ECHDC2: variants seen among roughly 807,000 people sequenced by gnomAD.
The protein encoded by ECHDC2 is enoyl-CoA hydratase domain-containing protein 2, mitochondrial.
ECHDC2 carries 34 observed loss-of-function variants against 40.6 expected under a neutral mutation model. The ratio of observed to expected loss-of-function variants is 0.84; its 90% CI spans 0.64 to 1.11. The LOEUF (loss-of-function observed/expected upper bound fraction) is 1.11. ECHDC2 is among the 50% of genes most tolerant of loss of function. The pLI, the probability that ECHDC2 is intolerant of heterozygous loss-of-function variation, is 0.00. For missense variants in ECHDC2, 392 were observed against 400.7 expected, an observed-to-expected ratio of 0.98 and a Z score of 0.19; for synonymous variants, 162 against 166.6, an observed-to-expected ratio of 0.97 and a Z score of 0.21.
Position 52,911,555 on chromosome 1 carries a change from A to G in ECHDC2, c.277+11T>C, listed in dbSNP as rs750143949. 1.9e-6 allele frequency: 3 copies of G among 1,611,818 alleles called. No individual in the cohort carries two copies. In the East Asian group the frequency reaches 6.7e-5, roughly 36 times the overall value. On this transcript the variant is annotated intron_variant, in intron 3 of 9. Coordinates refer to ENST00000371522, the MANE Select transcript of ECHDC2 (RefSeq NM_001198961.2). Reference sequence around the variant, plus strand: ...TGCAGAGCACAGATGGGGGCAGGAGAGAGAACCTACCTGCACAGAACACGC... The same window carrying G: ...TGCAGAGCACAGATGGGGGCAGGAGGGAGAACCTACCTGCACAGAACACGC...
At chr1:52,897,301 C>G in intron 9 of ECHDC2, 136 bp downstream of exon 9, 1 of 900,454 alleles carries the variant, frequency 1.1e-6, no homozygotes, top group Non-Finnish European at 1.8e-6. Flanking sequence ...CTCCAGGTGA[C>G]TTATGAGGGA....
intron 1 of ECHDC2, among the ~76,000 whole-genome samples, chr1:52,916,441 A>G (rs1650679558): frequency 6.6e-6 from 1 of 152,128 alleles, no homozygotes; most frequent in Non-Finnish European, 1.5e-5. Flanking sequence ...CACCAGCCCC[A>G]TGGCCTTGGG....
At chr1:52,905,643 AC>A (rs113532438) in intron 5 of ECHDC2, 2 of 156,488 alleles carry the variant, frequency 1.3e-5, no homozygotes, top group Non-Finnish European at 2.8e-5. Context: ...TGACTGACGC[AC>A]CCCCCCGGGT....
At chr1:52,903,935 A>G (rs1647172876) in intron 7 of ECHDC2, among the ~76,000 whole-genome samples, 1 of 150,766 alleles carries the variant, frequency 6.6e-6, no homozygotes, top group Non-Finnish European at 1.5e-5. Flanking sequence ...CTCCTGCCTC[A>G]GCCTCCTGAG....
In ECHDC2 at chr1:52,905,867, A is replaced by T. The variant is rs566449384; in HGVS notation, c.457+652T>A. The T allele has an allele frequency of 1.1e-4, 23 of 200,744 alleles. No individual in the cohort carries two copies. In the East Asian group the frequency reaches 2.5e-3, roughly 22 times the overall value. 12.4% of individuals were successfully genotyped at this position (200,744 alleles called of 1,614,324 possible). Reference sequence around the variant, plus strand: ...TCCTTCTCTTTGACCTGCATTGTGTAGACAGAAGCTACTTTCATGCCTGGA... The same window carrying T: ...TCCTTCTCTTTGACCTGCATTGTGTTGACAGAAGCTACTTTCATGCCTGGA... On this transcript the variant is annotated intron_variant, in intron 5 of 9. Coordinates refer to ENST00000371522, the MANE Select transcript of ECHDC2 (RefSeq NM_001198961.2).
At chr1:52,909,530 A>G (rs1648861878) in intron 3 of ECHDC2, among the ~76,000 whole-genome samples, 1 of 151,752 alleles carries the variant, frequency 6.6e-6, no homozygotes, top group South Asian at 2.1e-4. Flanking sequence ...GCTTAAAAAA[A>G]AAAAAAAAAA....
At chr1:52,921,511 G>A in intron 1 of ECHDC2, 42 bp downstream of exon 1, 1 of 1,590,542 alleles carries the variant, frequency 6.3e-7, no homozygotes, top group Non-Finnish European at 8.5e-7. Context: ...CTCCGGCCTA[G>A]TCCCAGTCGC....
At chr1:52,907,793 G>T in intron 4 of ECHDC2, 75 bp downstream of exon 4, 1 of 1,259,800 alleles carries the variant, frequency 7.9e-7, no homozygotes, top group Non-Finnish European at 1.1e-6. Context: ...CTCCTTAGAT[G>T]CTGGTGGGGG....
intron 1 of ECHDC2, among the ~76,000 whole-genome samples, chr1:52,921,158 G>A (rs759998994): frequency 3.3e-5 from 5 of 152,232 alleles, no homozygotes; most frequent in Non-Finnish European, 7.4e-5. Flanking sequence ...CTGCCGCACT[G>A]GGCACTGGGA....
chr1:52,898,884 T>A (rs1571907236), intron 8 of ECHDC2: 1 of 492,254 alleles, frequency 2.0e-6, no homozygotes, highest in Admixed American at 3.4e-5. Flanking sequence ...CAGACCCGGG[T>A]TCTTTCTACT....
chr1:52,920,530 T>A (rs1651641083), intron 1 of ECHDC2: 8 of 1,532,650 alleles, frequency 5.2e-6, no homozygotes, highest in Non-Finnish European at 7.2e-6. Context: ...CTCGAGGAGC[T>A]AAAATGGAAG....
chr1:52,915,382 A>G lies in ECHDC2; in HGVS notation c.122-3592T>C, dbSNP rs561686293. 5.5e-5 allele frequency: 25 copies of G among 455,852 alleles called. 1 individual carries two copies. The highest frequency in any genetic ancestry group is 3.9e-4 in the South Asian group (25 of 64,552). The allele number at this position is 455,852 out of a possible 1,614,324, so 28.2% of individuals were successfully genotyped here. A position where few individuals can be genotyped will look rare whatever the true frequency, so the allele number is the denominator to read the frequency against. ...GCCAATGAAAGTTTCTGGGCTCTCA[A>G]GGGACAGGGTGTTCAGCCAGGAATT... On this transcript the variant is annotated intron_variant, in intron 1 of 9. Coordinates refer to ENST00000371522, the MANE Select transcript of ECHDC2 (RefSeq NM_001198961.2).
At chr1:52,921,424 G>A in intron 1 of ECHDC2, 129 bp downstream of exon 1, 1 of 1,431,566 alleles carries the variant, frequency 7.0e-7, no homozygotes, top group South Asian at 1.5e-5. Context: ...GGTTTGGGGC[G>A]CCTAGAACTG....
chr1:52,910,156 C>A (rs1451230047), intron 3 of ECHDC2, among the ~76,000 whole-genome samples: 1 of 151,704 alleles, frequency 6.6e-6, no homozygotes, highest in East Asian at 1.9e-4. Flanking sequence ...TAGAGGTTAC[C>A]CAGGCTGGAG....
intron 1 of ECHDC2, among the ~76,000 whole-genome samples, chr1:52,919,399 G>A (rs1243644429): frequency 1.3e-5 from 2 of 152,164 alleles, no homozygotes; most frequent in African/African-American, 4.8e-5. Flanking sequence ...ACAGTATTCA[G>A]CCCGGTACCA....
At chr1:52,900,957 G>A (rs1315401437) in intron 7 of ECHDC2, 1 of 152,124 alleles carries the variant, frequency 6.6e-6, no homozygotes, top group Non-Finnish European at 1.5e-5. Flanking sequence ...CAAAGAGTTT[G>A]AGACCAGCCT....
intron 7 of ECHDC2, among the ~76,000 whole-genome samples, chr1:52,904,056 T>A (rs773835758): frequency 1.3e-5 from 2 of 152,118 alleles, no homozygotes; most frequent in Non-Finnish European, 1.5e-5. Context: ...AACCTCGTGA[T>A]ACACCCGCCT....
rs1275693367 is a variant in ECHDC2, at chr1:52,904,807, G to A, written c.541C>T (p.Leu181=). ...AGCTCCTTCGCCAGGGCCACCCCCA[G>A]ACAACGGGGCAGCCTCTGAGTCCCT... ...AGGTQRLPRC[L]GVALAKELIF... is the part of the protein sequence containing the mutation. Residue 181 remains leucine, a synonymous_variant, in exon 7 of 10, where the codon CTG becomes TTG. Coordinates refer to ENST00000371522, the MANE Select transcript of ECHDC2 (RefSeq NM_001198961.2). 1.2e-6 allele frequency: 2 copies of A among 1,613,034 alleles called. No homozygotes were observed. The highest frequency in any genetic ancestry group is 1.7e-6 in the Non-Finnish European group (2 of 1,179,786).
In ECHDC2 at chr1:52,896,548, T is replaced by C. The variant is rs780736756; in HGVS notation, c.851A>G (p.Lys284Arg). The C allele has an allele frequency of 9.8e-5, 158 of 1,614,048 alleles. No individual in the cohort carries two copies. The highest frequency in any genetic ancestry group is 1.3e-4 in the Non-Finnish European group (155 of 1,180,028). Residue 284 changes from lysine (K) to arginine (R), a missense_variant, in exon 10 of 10, where the codon AAG becomes AGG. Coordinates refer to ENST00000371522, the MANE Select transcript of ECHDC2 (RefSeq NM_001198961.2). ...TTTGCCAACAAATTTGGGAGTCCGC[T>C]TCTCCCTGAAGGCTGCCATGCCCTC... ...RLEGMAAFREKRTPKFVGK is the reference protein window; with the variant it reads ...RLEGMAAFRERRTPKFVGK
Sources: gnomAD v4.1 joint callset for allele counts (sites outside exome capture counted in the v4.1 genomes callset) on GRCh38, gnomAD v4.1.1 for gene constraint, MANE v1.5 for transcripts, NCBI Gene and HGNC (gene_info 2026-07-23, HGNC 2026-07-21) for gene names.